Variants in TMEM163 observed in about 807,000 individuals in gnomAD.
TMEM163 encodes the protein transmembrane protein 163.
In TMEM163, 17 loss-of-function variants were observed where a neutral mutation model predicts 29.3. The ratio of observed to expected loss-of-function variants is 0.58; its 90% CI spans 0.40 to 0.87. The LOEUF is 0.87. Ranked by LOEUF, TMEM163 falls within the 40% of genes least tolerant of loss-of-function variation. The pLI is 0.00. For synonymous variants in TMEM163, 157 were observed against 160.6 expected (o/e 0.98, Z 0.17); for missense variants, 303 against 381.5 (o/e 0.79, Z 1.71).
At chr2:134,567,418 G>C (rs575317560) in intron 2 of TMEM163, among the ~76,000 whole-genome samples, 1 of 152,206 alleles carries the variant, frequency 6.6e-6, no homozygotes, top group Non-Finnish European at 1.5e-5. Flanking sequence ...GGAGCTGGGC[G>C]TGGTGACTCA....
intron 2 of TMEM163, among the ~76,000 whole-genome samples, chr2:134,642,326 C>T (rs1683239185): frequency 6.6e-6 from 1 of 152,068 alleles, no homozygotes. Context: ...GATGGGATTT[C>T]ATCATGTCGG....
At chr2:134,704,900 T>A (rs1684774199) in intron 2 of TMEM163, among the ~76,000 whole-genome samples, 1 of 152,130 alleles carries the variant, frequency 6.6e-6, no homozygotes, top group African/African-American at 2.4e-5. Flanking sequence ...CTGACTGAAC[T>A]GTGTGTCCTC....
chr2:134,590,252 T>C (rs1000466753), intron 2 of TMEM163, among the ~76,000 whole-genome samples: 5 of 152,060 alleles, frequency 3.3e-5, no homozygotes, highest in Admixed American at 1.3e-4. Context: ...TTGCCCTAGA[T>C]CACAAAGCCA....
chr2:134,638,381 A>G (rs1423144884), intron 2 of TMEM163, among the ~76,000 whole-genome samples: 1 of 152,198 alleles, frequency 6.6e-6, no homozygotes, highest in African/African-American at 2.4e-5. Context: ...TAGAAGTGGA[A>G]GACGTCAATC....
chr2:134,632,891 C>T lies in TMEM163; in HGVS notation c.322+80309G>A, dbSNP rs967572178. On this transcript the variant is annotated intron_variant, in intron 2 of 7. Coordinates refer to ENST00000281924, the MANE Select transcript of TMEM163 (RefSeq NM_030923.5). Reference sequence around the variant, plus strand: ...CGGAGTAGCTGGGACGACAGGCACCCGCCACCACACCCAGCTAATTTTTTT... The same window carrying T: ...CGGAGTAGCTGGGACGACAGGCACCTGCCACCACACCCAGCTAATTTTTTT... 1.3e-4 allele frequency among the ~76,000 whole-genome samples: 19 copies of T among 151,524 alleles called. No individual in the cohort carries two copies. In the South Asian group the frequency reaches 2.7e-3, roughly 22 times the overall value.
rs528571128 is a variant in TMEM163, at chr2:134,671,467, G to T, written c.322+41733C>A. On this transcript the variant is annotated intron_variant, in intron 2 of 7. Coordinates refer to ENST00000281924, the MANE Select transcript of TMEM163 (RefSeq NM_030923.5). ...ACTCTGTCTCCAGCCTGGCTCTACA[G>T]GAACACTGACCTCCCTGGGTTCAAG... 2.0e-5 allele frequency among the ~76,000 whole-genome samples: 3 copies of T among 152,252 alleles called. No homozygotes were observed. The South Asian group carries it at 6.2e-4, about 32-fold the overall frequency.
chr2:134,593,535 G>A (rs567846385), intron 2 of TMEM163, among the ~76,000 whole-genome samples: 3 of 152,284 alleles, frequency 2.0e-5, no homozygotes, highest in South Asian at 2.1e-4. Flanking sequence ...TGGAGGAGAT[G>A]GCCGAAGAAG....
rs1229651529 is a variant in TMEM163 at position 134,518,668 on chromosome 2, G to C, written c.459-15671C>G. Among the ~76,000 whole-genome samples, 4 of 152,278 alleles carry C rather than the reference G, an allele frequency of 2.6e-5. No homozygotes were observed. In the East Asian group the frequency reaches 7.7e-4, roughly 29 times the overall value. On this transcript the variant is annotated intron_variant, in intron 4 of 7. Transcript: ENST00000281924. ...TACTTTCTAGCACGGTCCCAATTCA[G>C]CACGGTATAGACTTCTCAGAGGCAG... is the stretch of plus-strand genomic sequence containing the variant.
At chr2:134,598,510 G>C (rs1682144260) in intron 2 of TMEM163, among the ~76,000 whole-genome samples, 1 of 152,224 alleles carries the variant, frequency 6.6e-6, no homozygotes, top group African/African-American at 2.4e-5. Context: ...AAGCCAGCTA[G>C]TGGCAGAGCT....
chr2:134,470,356 C>CAA lies in TMEM163; in HGVS notation c.556-4133_556-4132dup, dbSNP rs35003964. ...TGGGTGACAGAGTGAGACTCCGTCTCAAAAAAAAAAAAAAAAACTTCATAC... is the reference window on the plus strand; with the variant it reads ...TGGGTGACAGAGTGAGACTCCGTCTCAAAAAAAAAAAAAAAAAAACTTCATAC... On this transcript the variant is annotated intron_variant, in intron 5 of 7. Transcript: ENST00000281924. Among the ~76,000 whole-genome samples the CAA allele has an allele frequency of 5.2e-3, 476 of 91,250 alleles. 2 individuals are homozygous for CAA. The highest frequency in any genetic ancestry group is 0.017 in the African/African-American group (339 of 20,382). 59.9% of individuals were successfully genotyped at this position (91,250 alleles called of 152,430 possible). A position where few individuals can be genotyped will look rare whatever the true frequency, so the allele number is the denominator to read the frequency against.
chr2:134,702,381 C>T (rs562370459), intron 2 of TMEM163, among the ~76,000 whole-genome samples: 3 of 152,348 alleles, frequency 2.0e-5, no homozygotes, highest in Non-Finnish European at 4.4e-5. Context: ...CAGTGGCTCA[C>T]ACCTGTCATC....
intron 2 of TMEM163, among the ~76,000 whole-genome samples, chr2:134,657,671 C>A (rs1417843113): frequency 6.6e-6 from 1 of 152,156 alleles, no homozygotes; most frequent in East Asian, 1.9e-4. Flanking sequence ...GGCGTGGTGG[C>A]GCATGCCTGT....
rs867120422 is a variant in TMEM163, at chr2:134,466,216, G to A, written c.565C>T (p.Leu189=). 2 of 1,613,352 alleles carry A rather than the reference G, an allele frequency of 1.2e-6. No homozygotes were observed. The highest frequency in any genetic ancestry group is 1.7e-6 in the Non-Finnish European group (2 of 1,179,804). ...CCACTTAAAATGGAGACACTGAACA[G>A]GAAATCGTCCTGCAAGAGAAAGTTC... is the stretch of plus-strand genomic sequence containing the variant. ...TRLLPEVDDF[L]FSVSILSGIL... is the part of the protein sequence containing the mutation. The change falls in exon 6 of 8, where the codon CTG becomes TTG. Residue 189 remains leucine (L), a synonymous_variant. Transcript: ENST00000281924.
chr2:134,518,933 G>T (rs1051579964), intron 4 of TMEM163, among the ~76,000 whole-genome samples: 21 of 152,298 alleles, frequency 1.4e-4, no homozygotes, highest in Admixed American at 1.2e-3. Context: ...AGGAAAGCAA[G>T]ACAATTGGGA....
chr2:134,542,693 C>T (rs1287764499), intron 4 of TMEM163, among the ~76,000 whole-genome samples: 2 of 152,132 alleles, frequency 1.3e-5, no homozygotes, highest in African/African-American at 2.4e-5. Flanking sequence ...TGAAATCAGT[C>T]GCTGGTGCCA....
chr2:134,651,448 T>C (rs1683477201), intron 2 of TMEM163, among the ~76,000 whole-genome samples: 1 of 114,006 alleles, frequency 8.8e-6, no homozygotes, highest in African/African-American at 4.3e-5. Context: ...ATATTAGCCC[T>C]TTGTCAGATG....
intron 5 of TMEM163, among the ~76,000 whole-genome samples, chr2:134,479,236 G>C (rs1199819323): frequency 6.6e-6 from 1 of 152,204 alleles, no homozygotes; most frequent in Non-Finnish European, 1.5e-5. Context: ...CCAAACTTCA[G>C]GGAAGCGTAG....
intron 2 of TMEM163, among the ~76,000 whole-genome samples, chr2:134,597,173 G>C (rs1682106525): frequency 6.6e-6 from 1 of 152,080 alleles, no homozygotes; most frequent in Admixed American, 6.5e-5. Flanking sequence ...GGTGAGAGAG[G>C]GCATCCCTGT....
chr2:134,538,025 C>T (rs1680578663), intron 4 of TMEM163, among the ~76,000 whole-genome samples: 1 of 152,210 alleles, frequency 6.6e-6, no homozygotes, highest in African/African-American at 2.4e-5. Flanking sequence ...TGTAAAATGA[C>T]ATTGCCACTT....
Sources: allele counts gnomAD v4.1 joint callset (sites outside exome capture counted in the v4.1 genomes callset), GRCh38; gene constraint gnomAD v4.1.1; transcripts MANE v1.5; gene names NCBI Gene and HGNC (gene_info 2026-07-23, HGNC 2026-07-21).